Variants in ASAP1 observed in about 807,000 individuals in gnomAD.
ASAP1 encodes ArfGAP with SH3 domain, ankyrin repeat and PH domain 1.
ASAP1 carries 43 observed loss-of-function variants against 145.2 expected under a neutral mutation model. The ratio of observed to expected loss-of-function variants is 0.30; its 90% CI spans 0.23 to 0.38. The LOEUF (loss-of-function observed/expected upper bound fraction) is 0.38, where lower values mean the gene tolerates loss of function less well. Among genes scored for constraint, ASAP1 ranks in the 10% least tolerant of loss-of-function variants. The pLI is 1.00. For missense variants in ASAP1, 1,018 were observed against 1,355.3 expected (o/e 0.75, Z 3.91); for synonymous variants, 546 against 515.5 (o/e 1.06, Z -0.80).
chr8:130,443,307 G>A lies in ASAP1; in HGVS notation c.-28+153C>T, dbSNP rs562862018. Among the ~76,000 whole-genome samples the A allele has an allele frequency of 3.3e-3, 508 of 151,802 alleles. 4 individuals carry two copies. Among genetic ancestry groups the A allele is most frequent in the African/African-American group, 0.011 (468 of 41,462 alleles). On this transcript the variant is annotated intron_variant, in intron 1 of 29. Coordinates refer to ENST00000518721, the MANE Select transcript of ASAP1 (RefSeq NM_018482.4). Reference sequence around the variant, plus strand: ...GCCCAGGGCCGGCGCCCTCCCCGCGGAGAAGGACACCCCGCTGCGAGAGGA... The same window carrying A: ...GCCCAGGGCCGGCGCCCTCCCCGCGAAGAAGGACACCCCGCTGCGAGAGGA...
At chr8:130,437,662 G>T (rs1830360358) in intron 1 of ASAP1, among the ~76,000 whole-genome samples, 1 of 151,904 alleles carries the variant, frequency 6.6e-6, no homozygotes, top group South Asian at 2.1e-4. Context: ...TTACACACAG[G>T]ACAAGTTTTT....
At chr8:130,058,681 TAGAAA>T (rs2097410108) in intron 28 of ASAP1, among the ~76,000 whole-genome samples, 1 of 152,220 alleles carries the variant, frequency 6.6e-6, no homozygotes. Context: ...TCTTTGCAAA[TAGAAA>T]AGTGAAAATA....
At chr8:130,210,389 C>T (rs1816504586) in intron 5 of ASAP1, among the ~76,000 whole-genome samples, 1 of 152,022 alleles carries the variant, frequency 6.6e-6, no homozygotes, top group Non-Finnish European at 1.5e-5. Context: ...GTTTTAATTT[C>T]TAAGACAGTA....
chr8:130,262,392 C>CA lies in ASAP1; in HGVS notation c.187-25399dup, dbSNP rs1204651464. On this transcript the variant is annotated intron_variant, in intron 3 of 29. Transcript: ENST00000518721. ...CCTGGGCAACAGTGAGACTCCATCT[C>CA]AAAAAAAAAAAAAAAAAAAAAAAAA... Among the ~76,000 whole-genome samples, 46 of 35,706 alleles carry CA rather than the reference C, an allele frequency of 1.3e-3. 3 individuals are homozygous for CA. The highest frequency in any genetic ancestry group is 2.7e-3 in the Admixed American group (5 of 1,874). 23.4% of individuals were successfully genotyped at this position (35,706 alleles called of 152,430 possible).
chr8:130,345,707 A>T (rs149401200), intron 3 of ASAP1, among the ~76,000 whole-genome samples: 85 of 152,308 alleles, frequency 5.6e-4, no homozygotes, highest in Non-Finnish European at 1.1e-3. Context: ...CATGCCTATA[A>T]TCCCACCACT....
intron 3 of ASAP1, among the ~76,000 whole-genome samples, chr8:130,294,319 C>T (rs1056295133): frequency 2.6e-5 from 4 of 152,148 alleles, no homozygotes; most frequent in Non-Finnish European, 5.9e-5. Flanking sequence ...TGCCACGGAG[C>T]GTCAGAAAGG....
At position 130,112,496 on chromosome 8, in the gene ASAP1, G is replaced by A. The variant is rs545355048; in HGVS notation, c.2173-174C>T. 6.6e-5 allele frequency: 38 copies of A among 579,414 alleles called. No individual in the cohort carries two copies. In the South Asian group the frequency reaches 7.9e-4, roughly 12 times the overall value. The allele number at this position is 579,414 out of a possible 1,614,324, so 35.9% of individuals were successfully genotyped here. On this transcript the variant is annotated intron_variant, in intron 23 of 29. Transcript: ENST00000518721. ...TGACACAGTACAAGGGAAGGATCTA[G>A]ATACCACACTTTCATATCGTTCACC...
intron 27 of ASAP1, among the ~76,000 whole-genome samples, chr8:130,066,188 T>C (rs890250664): frequency 6.6e-6 from 1 of 152,208 alleles, no homozygotes; most frequent in Admixed American, 6.5e-5. Context: ...CTTGCCCATA[T>C]ACCAAATGTT....
chr8:130,209,324 C>G (rs190433042), intron 5 of ASAP1, among the ~76,000 whole-genome samples: 2 of 152,318 alleles, frequency 1.3e-5, no homozygotes, highest in East Asian at 3.9e-4. Context: ...CCTTCAATTT[C>G]TGACACCAGT....
intron 11 of ASAP1, among the ~76,000 whole-genome samples, chr8:130,167,018 A>T (rs2097681260): frequency 6.6e-6 from 1 of 152,126 alleles, no homozygotes; most frequent in Admixed American, 6.6e-5. Context: ...ATCTATAGTC[A>T]TGGGGCTGGG....
At chr8:130,274,025 T>C (rs1820734960) in intron 3 of ASAP1, among the ~76,000 whole-genome samples, 2 of 152,316 alleles carry the variant, frequency 1.3e-5, no homozygotes, top group African/African-American at 4.8e-5. Flanking sequence ...CTAACTGGCT[T>C]TGAGATCTTG....
intron 2 of ASAP1, among the ~76,000 whole-genome samples, chr8:130,397,862 T>C (rs1828606121): frequency 1.3e-5 from 2 of 152,246 alleles, no homozygotes; most frequent in Non-Finnish European, 2.9e-5. Flanking sequence ...GAATGGTATT[T>C]ACCTCTTTCC....
intron 2 of ASAP1, among the ~76,000 whole-genome samples, chr8:130,399,922 A>G (rs1490983123): frequency 5.3e-5 from 8 of 150,008 alleles, no homozygotes; most frequent in Admixed American, 1.3e-4. Flanking sequence ...CGGGTTCAAG[A>G]GATTCTCCTG....
rs16904248 is a variant in ASAP1, at chr8:130,319,233, T to C, written c.186+38784A>G. Among the ~76,000 whole-genome samples, 765 of 152,342 alleles carry C rather than the reference T, an allele frequency of 5.0e-3. 6 individuals carry two copies. Among genetic ancestry groups the C allele is most frequent in the African/African-American group, 0.017 (724 of 41,576 alleles). ...CACCCTCATTTATGTTACTGTTGCA[T>C]TGGATCACATAGCCAGAACCAGCCC... On this transcript the variant is annotated intron_variant, in intron 3 of 29. Transcript: ENST00000518721.
intron 1 of ASAP1, among the ~76,000 whole-genome samples, chr8:130,417,520 T>C (rs1050914862): frequency 2.0e-5 from 3 of 151,870 alleles, no homozygotes; most frequent in Admixed American, 1.3e-4. Flanking sequence ...GTTCAGAGAT[T>C]GTTGTGAAAA....
intron 1 of ASAP1, among the ~76,000 whole-genome samples, chr8:130,426,199 C>A (rs946836833): frequency 4.0e-5 from 6 of 151,870 alleles, no homozygotes; most frequent in Non-Finnish European, 2.9e-5. Context: ...ACAGCTTCCT[C>A]CTCTCTCTCT....
chr8:130,395,919 G>A (rs534406946), intron 2 of ASAP1, among the ~76,000 whole-genome samples: 4 of 152,210 alleles, frequency 2.6e-5, no homozygotes, highest in Middle Eastern at 3.4e-3. Flanking sequence ...GCCCGCCTCC[G>A]TCTCCCAAAG....
In ASAP1 at chr8:130,214,584, T is replaced by C. The variant is rs772969745; in HGVS notation, c.377A>G (p.Lys126Arg). Residue 126 changes from lysine to arginine, a missense_variant, in exon 5 of 30, where the codon AAG becomes AGG. Lys to Arg is a conservative substitution (Grantham distance 26). Coordinates refer to ENST00000518721, the MANE Select transcript of ASAP1 (RefSeq NM_018482.4). Reference protein sequence around the residue: ...TAFVKFSTLTKELSTLLKNLL... With the variant: ...TAFVKFSTLTRELSTLLKNLL... ...ATTTTTCAGCAGTGTGGACAGTTCC[T>C]TTGTAAGAGTAGAAAACTTGACAAA... is the stretch of plus-strand genomic sequence containing the variant. The C allele has an allele frequency of 6.2e-7, 1 of 1,612,170 alleles. No individual in the cohort carries two copies. The highest frequency in any genetic ancestry group is 1.1e-5 in the South Asian group (1 of 90,492).
intron 1 of ASAP1, among the ~76,000 whole-genome samples, chr8:130,433,582 G>A (rs1335416942): frequency 1.3e-5 from 2 of 152,194 alleles, no homozygotes; most frequent in Non-Finnish European, 2.9e-5. Flanking sequence ...ATTCTAGCAG[G>A]TGGACTTTGA....
Sources: allele counts gnomAD v4.1 joint callset (sites outside exome capture counted in the v4.1 genomes callset), GRCh38; gene constraint gnomAD v4.1.1; transcripts MANE v1.5; gene names NCBI Gene and HGNC (gene_info 2026-07-23, HGNC 2026-07-21).